The following THADA variants were observed in gnomAD, a reference collection of about 807,000 sequenced individuals.
THADA encodes the protein THADA armadillo repeat containing.
A neutral mutation model predicts 219.8 loss-of-function variants in THADA; 213 were observed. That is an observed-to-expected ratio of 0.97 (90% CI 0.87 to 1.09). The LOEUF is 1.09. Among genes scored for constraint, THADA ranks in the 50% least tolerant of loss-of-function variants. THADA has a pLI of 0.00. For missense variants in THADA, 2,956 were observed against 2,311.3 expected (o/e 1.28, Z -5.72); for synonymous variants, 1,018 against 828.9 (o/e 1.23, Z -3.92).
intron 26 of THADA, among the ~76,000 whole-genome samples, chr2:43,449,867 T>C (rs981874673): frequency 1.3e-5 from 2 of 152,204 alleles, no homozygotes; most frequent in Non-Finnish European, 2.9e-5. Context: ...TGGGCTGATA[T>C]ATTCAAAGTG....
chr2:43,246,250 TTTGG>T (rs1558460910), intron 36 of THADA, among the ~76,000 whole-genome samples: 10 of 152,154 alleles, frequency 6.6e-5, no homozygotes, highest in Non-Finnish European at 1.3e-4. Context: ...ATCCCAGCAC[TTTGG>T]GAGGCTGAGG....
In THADA at chr2:43,232,760, A is replaced by C; in HGVS notation, c.5419T>G (p.Leu1807Val). 1.2e-6 allele frequency: 2 copies of C among 1,613,810 alleles called. No individual in the cohort carries two copies. The highest frequency in any genetic ancestry group is 1.7e-6 in the Non-Finnish European group (2 of 1,179,834). Reference protein sequence around the residue: ...PGLPILLGWLLGESDDLVACV... With the variant: ...PGLPILLGWLVGESDDLVACV... ...GCCACGAGGTCATCACTCTCTCCCA[A>C]CAGCCATCCCAGCAGGATGGGCAGT... Residue 1807 changes from leucine (L) to valine (V), a missense_variant, in exon 37 of 38, where the codon TTG (leucine) becomes GTG (valine). By Grantham distance (32) the Leu-to-Val change is conservative (BLOSUM62 1). Transcript: ENST00000405975.
At chr2:43,412,375 G>GTT (rs1461542298) in intron 28 of THADA, among the ~76,000 whole-genome samples, 1 of 152,122 alleles carries the variant, frequency 6.6e-6, no homozygotes, top group Non-Finnish European at 1.5e-5. Flanking sequence ...ATTCAATACT[G>GTT]TTTAACTTTT....
chr2:43,278,398 T>C (rs926083710), intron 36 of THADA, among the ~76,000 whole-genome samples: 1 of 152,186 alleles, frequency 6.6e-6, no homozygotes, highest in Admixed American at 6.5e-5. Context: ...CTGGGCTGGG[T>C]GCGGAATCTA....
At chr2:43,422,660 G>C (rs1029920195) in intron 28 of THADA, among the ~76,000 whole-genome samples, 2 of 152,108 alleles carry the variant, frequency 1.3e-5, no homozygotes, top group Non-Finnish European at 2.9e-5. Context: ...TAAAAAATCA[G>C]AATGATATAT....
At chr2:43,418,586 T>C (rs1677302205) in intron 28 of THADA, among the ~76,000 whole-genome samples, 1 of 152,192 alleles carries the variant, frequency 6.6e-6, no homozygotes. Flanking sequence ...TTTGGATGTG[T>C]GTGAGACATG....
chr2:43,503,298 A>C (rs1253493059), intron 24 of THADA, among the ~76,000 whole-genome samples: 3 of 152,220 alleles, frequency 2.0e-5, no homozygotes, highest in Non-Finnish European at 4.4e-5. Flanking sequence ...GAAAACGGGA[A>C]ACAACCTAAA....
At position 43,232,813 on chromosome 2, in the gene THADA, A is replaced by G; in HGVS notation, c.5366T>C (p.Leu1789Pro). The stretch of plus-strand genomic sequence containing the variant: ...AGGGGCCAACTGGTCCCACTGCTGG[A>G]GCAGATCACACAGGACGGCCAGGGC... ...ALALAVLCDL[L>P]QQWDQLAPGL... Residue 1789 changes from leucine (L) to proline (P), a missense_variant, in exon 37 of 38, where the codon CTC becomes CCC. Physicochemically the swap from Leu to Pro is moderately conservative, Grantham distance 98 (BLOSUM62 -3). Transcript: ENST00000405975. 1.9e-6 allele frequency: 3 copies of G among 1,613,194 alleles called. No individual in the cohort carries two copies. The highest frequency in any genetic ancestry group is 2.5e-6 in the Non-Finnish European group (3 of 1,179,656).
chr2:43,534,995 C>G (rs1405694730), intron 21 of THADA, among the ~76,000 whole-genome samples: 1 of 152,026 alleles, frequency 6.6e-6, no homozygotes, highest in Non-Finnish European at 1.5e-5. Context: ...CTCCACATTC[C>G]TGCCATCATT....
In THADA at chr2:43,292,933, A is replaced by G. The variant is rs536504699; in HGVS notation, c.4719T>C (p.Ser1573=). 3 of 1,614,042 alleles carry G rather than the reference A, an allele frequency of 1.9e-6. No homozygotes were observed. The East Asian group carries it at 6.7e-5, about 36-fold the overall frequency. Residue 1573 remains serine, a synonymous_variant, in exon 32 of 38, where the codon TCT becomes TCC. Transcript: ENST00000405975. The part of the protein sequence containing the change: ...ALLEKFLAAA[S]GLGEKGVPPL... ...GTGGCACGCCCTTCTCTCCAAGTCC[A>G]GAGGCTGCTGCTAAGAACTTTTCCA... is the stretch of plus-strand genomic sequence containing the variant.
chr2:43,446,523 C>T (rs985801229), intron 26 of THADA, among the ~76,000 whole-genome samples: 1 of 152,190 alleles, frequency 6.6e-6, no homozygotes. Context: ...GAGTGTGAAG[C>T]CATGTTGGTT....
At chr2:43,393,960 A>G (rs572655644) in intron 29 of THADA, among the ~76,000 whole-genome samples, 1 of 152,270 alleles carries the variant, frequency 6.6e-6, no homozygotes, top group Admixed American at 6.5e-5. Context: ...CTGAACTCCA[A>G]TATGATTTCT....
chr2:43,267,208 T>C (rs1465305813), intron 36 of THADA, among the ~76,000 whole-genome samples: 1 of 152,236 alleles, frequency 6.6e-6, no homozygotes, highest in African/African-American at 2.4e-5. Context: ...CCTTTTCTTA[T>C]AAAATTAGCC....
At chr2:43,456,503 G>C (rs993110398) in intron 26 of THADA, among the ~76,000 whole-genome samples, 11 of 152,030 alleles carry the variant, frequency 7.2e-5, no homozygotes, top group African/African-American at 2.7e-4. Flanking sequence ...CAGTGGCAGT[G>C]TAACCTTGGG....
chr2:43,300,877 C>T (rs913729106), intron 31 of THADA, among the ~76,000 whole-genome samples: 2 of 152,198 alleles, frequency 1.3e-5, no homozygotes, highest in Middle Eastern at 3.2e-3. Context: ...CTGCCTCGAC[C>T]TCACCCCAGA....
intron 22 of THADA, among the ~76,000 whole-genome samples, chr2:43,509,032 T>C (rs6544669): frequency 0.14 from 21,438 of 152,102 alleles, 2,018 homozygotes; most frequent in African/African-American, 0.27. Context: ...GATACATGGG[T>C]TTGCATCCAC....
intron 17 of THADA, among the ~76,000 whole-genome samples, chr2:43,553,880 C>T (rs1397171265): frequency 6.6e-6 from 1 of 152,192 alleles, no homozygotes; most frequent in Non-Finnish European, 1.5e-5. Flanking sequence ...TGATGTTGAG[C>T]ACTTTTTAAT....
At chr2:43,326,034 G>C (rs1269858017) in intron 30 of THADA, among the ~76,000 whole-genome samples, 3 of 152,004 alleles carry the variant, frequency 2.0e-5, no homozygotes, top group African/African-American at 2.4e-5. Context: ...TTGCATTTTT[G>C]GCAATTTATA....
chr2:43,354,510 C>T (rs1381131072), intron 29 of THADA, among the ~76,000 whole-genome samples: 1 of 151,534 alleles, frequency 6.6e-6, no homozygotes, highest in Non-Finnish European at 1.5e-5. Flanking sequence ...ATCCCCCTTT[C>T]CTTTCCTCCC....
Sources: gnomAD v4.1 joint callset for allele counts (sites outside exome capture counted in the v4.1 genomes callset) on GRCh38, gnomAD v4.1.1 for gene constraint, MANE v1.5 for transcripts, NCBI Gene and HGNC (gene_info 2026-07-23, HGNC 2026-07-21) for gene names.